The following CHST9 variants were observed in gnomAD, a reference collection of about 807,000 sequenced individuals.
CHST9 encodes carbohydrate sulfotransferase 9.
In CHST9, 41 loss-of-function variants were observed where a neutral mutation model predicts 44.4. That is an observed-to-expected ratio of 0.92 (90% CI 0.72 to 1.20). The LOEUF (loss-of-function observed/expected upper bound fraction) is 1.20, where lower values mean the gene tolerates loss of function less well. Ranked by LOEUF, CHST9 falls within the 50% of genes most tolerant of loss-of-function variation. CHST9 has a pLI of 0.00. For missense variants in CHST9, 504 were observed against 516.5 expected, an observed-to-expected ratio of 0.98 and a Z score of 0.23; for synonymous variants, 171 against 178.4, an observed-to-expected ratio of 0.96 and a Z score of 0.33.
At chr18:27,068,894 C>T (rs2057810341) in intron 2 of CHST9, among the ~76,000 whole-genome samples, 1 of 152,222 alleles carries the variant, frequency 6.6e-6, no homozygotes, top group African/African-American at 2.4e-5. Context: ...CTCCTCCTCA[C>T]ATTTTTTACT....
chr18:27,161,784 G>A (rs1355693603), intron 1 of CHST9, among the ~76,000 whole-genome samples: 2 of 152,086 alleles, frequency 1.3e-5, no homozygotes, highest in African/African-American at 4.8e-5. Flanking sequence ...TTATGAATCT[G>A]GGTGCTCCTG....
chr18:27,133,860 C>T (rs1449161419), intron 2 of CHST9, among the ~76,000 whole-genome samples: 1 of 152,146 alleles, frequency 6.6e-6, no homozygotes, highest in Non-Finnish European at 1.5e-5. Flanking sequence ...TGGGAATAAT[C>T]ACATAATGGG....
Position 26,909,622 on chromosome 18 carries a change from T to C in CHST9, c.*6637A>G, listed in dbSNP as rs1474757670. 2.0e-5 allele frequency: 3 copies of C among 152,242 alleles called. No homozygotes were observed. The highest frequency in any genetic ancestry group is 4.4e-5 in the Non-Finnish European group (3 of 68,040). 9.4% of individuals were successfully genotyped at this position (152,242 alleles called of 1,614,324 possible). On this transcript the variant is annotated 3_prime_UTR_variant, in exon 6 of 6. Transcript: ENST00000618847. ...ATAGTACATCCAAAAATCATTTTTC[T>C]AAACTTTGGAAATATTTTCAGCAAA...
In CHST9 at chr18:26,956,299, G is replaced by A. The variant is rs1195994721; in HGVS notation, c.203-11933C>T. Among the ~76,000 whole-genome samples, 23 of 131,242 alleles carry A rather than the reference G, an allele frequency of 1.8e-4. No homozygotes were observed. In the South Asian group the frequency reaches 5.1e-3, roughly 29 times the overall value. 86.1% of individuals were successfully genotyped at this position (131,242 alleles called of 152,430 possible). A position where few individuals can be genotyped will look rare whatever the true frequency, so the allele number is the denominator to read the frequency against. ...TGAACTCCAGCCTGGGCGACAGAGTGAGACTCTGTCTCAAAAAAAAAAAAA... is the reference window on the plus strand; with the variant it reads ...TGAACTCCAGCCTGGGCGACAGAGTAAGACTCTGTCTCAAAAAAAAAAAAA... On this transcript the variant is annotated intron_variant, in intron 4 of 5. Coordinates refer to ENST00000618847, the MANE Select transcript of CHST9 (RefSeq NM_031422.6).
chr18:27,159,462 G>A (rs1204311947), intron 1 of CHST9, among the ~76,000 whole-genome samples: 1 of 152,040 alleles, frequency 6.6e-6, no homozygotes, highest in Non-Finnish European at 1.5e-5. Flanking sequence ...TGTTCCATTG[G>A]TCTATATCTC....
chr18:27,033,634 A>G (rs2057363150), intron 3 of CHST9, among the ~76,000 whole-genome samples: 2 of 152,316 alleles, frequency 1.3e-5, no homozygotes, highest in African/African-American at 2.4e-5. Flanking sequence ...TTGATCTGAA[A>G]TAAAGTCTCT....
chr18:27,088,124 A>G (rs1404859084), intron 2 of CHST9, among the ~76,000 whole-genome samples: 1 of 152,198 alleles, frequency 6.6e-6, no homozygotes, highest in East Asian at 1.9e-4. Context: ...TGTAATATCC[A>G]GGATTTTGCA....
intron 2 of CHST9, among the ~76,000 whole-genome samples, chr18:27,062,731 G>A (rs538291898): frequency 2.6e-4 from 40 of 152,194 alleles, no homozygotes; most frequent in Admixed American, 1.3e-3. Flanking sequence ...TTGAGGAATC[G>A]CCACACTGTC....
At position 26,908,429 on chromosome 18, in the gene CHST9, T is replaced by C. The variant is rs1162593360; in HGVS notation, c.*7830A>G. On this transcript the variant is annotated 3_prime_UTR_variant, in exon 6 of 6. Transcript: ENST00000618847. The stretch of plus-strand genomic sequence containing the variant: ...TGAAACTCTGTCTCAAAAAAAAAAA[T>C]AGGTAAGATGGGGAGGGATAGGAAA... 6.9e-6 allele frequency: 1 copy of C among 145,572 alleles called. No individual in the cohort carries two copies. The highest frequency in any genetic ancestry group is 1.5e-5 in the Non-Finnish European group (1 of 65,710). The allele number at this position is 145,572 out of a possible 1,614,324, so 9.0% of individuals were successfully genotyped here.
chr18:27,050,420 T>G lies in CHST9; in HGVS notation c.122-1917A>C, dbSNP rs148203793. 2.7e-3 allele frequency among the ~76,000 whole-genome samples: 413 copies of G among 152,272 alleles called. 4 individuals are homozygous for G. The highest frequency in any genetic ancestry group is 4.3e-3 in the Non-Finnish European group (294 of 68,028). On this transcript the variant is annotated intron_variant, in intron 2 of 5. Transcript: ENST00000618847. The stretch of plus-strand genomic sequence containing the variant: ...AGCTGTCACTTTTTTTTGTCATCTA[T>G]CAACATTCCACAGCTGGAGCTAGTT...
At chr18:27,077,570 C>T (rs1039107110) in intron 2 of CHST9, among the ~76,000 whole-genome samples, 1 of 151,900 alleles carries the variant, frequency 6.6e-6, no homozygotes, top group African/African-American at 2.4e-5. Flanking sequence ...GGGGAGGGAG[C>T]CTCTTTCTGG....
chr18:26,925,586 C>T (rs564609367), intron 5 of CHST9, among the ~76,000 whole-genome samples: 2 of 152,160 alleles, frequency 1.3e-5, no homozygotes, highest in Admixed American at 6.5e-5. Context: ...AGATAATGGT[C>T]GTTAAGAACA....
intron 2 of CHST9, among the ~76,000 whole-genome samples, chr18:27,084,808 T>C (rs1052934821): frequency 2.0e-5 from 3 of 152,074 alleles, no homozygotes; most frequent in African/African-American, 7.2e-5. Flanking sequence ...ATTTTCCTCT[T>C]AACACTGCTT....
At chr18:27,165,704 T>A (rs1384977521) in intron 1 of CHST9, among the ~76,000 whole-genome samples, 1 of 152,188 alleles carries the variant, frequency 6.6e-6, no homozygotes, top group Non-Finnish European at 1.5e-5. Context: ...AATTATGAAA[T>A]GTATCAAAAA....
chr18:27,033,677 T>C (rs6508464), intron 3 of CHST9, among the ~76,000 whole-genome samples: 59,603 of 152,074 alleles, frequency 0.39, 12,135 homozygotes, highest in East Asian at 0.49. Flanking sequence ...CTTTTCTGGG[T>C]AATCTCATTC....
intron 2 of CHST9, among the ~76,000 whole-genome samples, chr18:27,121,568 G>A (rs2058374855): frequency 6.6e-6 from 1 of 152,130 alleles, no homozygotes; most frequent in Admixed American, 6.5e-5. Context: ...TAAATAATTG[G>A]GGAAACAGGG....
At chr18:27,051,247 C>T (rs1010799343) in intron 2 of CHST9, among the ~76,000 whole-genome samples, 1 of 150,642 alleles carries the variant, frequency 6.6e-6, no homozygotes, top group African/African-American at 2.4e-5. Flanking sequence ...ACCACCATCT[C>T]TAAATTGTTT....
At chr18:27,148,719 C>A (rs1349968995) in intron 1 of CHST9, among the ~76,000 whole-genome samples, 9 of 138,714 alleles carry the variant, frequency 6.5e-5, no homozygotes, top group East Asian at 2.4e-4. Context: ...AATAAACATA[C>A]ATGTGCATGT....
intron 2 of CHST9, among the ~76,000 whole-genome samples, chr18:27,068,833 G>A (rs931810534): frequency 6.6e-6 from 1 of 152,168 alleles, no homozygotes; most frequent in Non-Finnish European, 1.5e-5. Context: ...TCATATGTAT[G>A]AAGCCTGTGG....
Sources: allele counts gnomAD v4.1 joint callset (sites outside exome capture counted in the v4.1 genomes callset), GRCh38; gene constraint gnomAD v4.1.1; transcripts MANE v1.5; gene names NCBI Gene and HGNC (gene_info 2026-07-23, HGNC 2026-07-21).